RELN: variants seen among roughly 807,000 people sequenced by gnomAD.
RELN encodes reelin.
A neutral mutation model predicts 427.6 loss-of-function variants in RELN; 108 were observed. The ratio of observed to expected loss-of-function variants is 0.25; its 90% CI spans 0.22 to 0.30. The LOEUF (loss-of-function observed/expected upper bound fraction) is 0.30, where lower values mean the gene tolerates loss of function less well. Among genes scored for constraint, RELN ranks in the 10% least tolerant of loss-of-function variants. The pLI, the probability that RELN is intolerant of heterozygous loss-of-function variation, is 1.00. For synonymous variants in RELN, 1,524 were observed against 1,513.4 expected (o/e 1.01, Z -0.16); for missense variants, 3,715 against 4,302.8 (o/e 0.86, Z 3.82).
intron 20 of RELN, among the ~76,000 whole-genome samples, chr7:103,623,735 C>T (rs1832268323): frequency 6.6e-6 from 1 of 152,130 alleles, no homozygotes; most frequent in Non-Finnish European, 1.5e-5. Flanking sequence ...AGGTAGATCT[C>T]ATTTTAAAAT....
chr7:103,686,668 C>A (rs1163127414), intron 10 of RELN, among the ~76,000 whole-genome samples: 1 of 152,092 alleles, frequency 6.6e-6, no homozygotes, highest in East Asian at 1.9e-4. Flanking sequence ...TGTGCTACAG[C>A]CATTGGAAAT....
chr7:103,615,551 T>C (rs1832061118), intron 20 of RELN, among the ~76,000 whole-genome samples: 2 of 152,170 alleles, frequency 1.3e-5, no homozygotes, highest in Admixed American at 6.5e-5. Context: ...ACAGCTGGAT[T>C]ATCTCACTTG....
At chr7:103,727,160 T>G (rs1790232417) in intron 7 of RELN, among the ~76,000 whole-genome samples, 1 of 152,156 alleles carries the variant, frequency 6.6e-6, no homozygotes. Context: ...CAATTTACAT[T>G]GGAAGTCAGT....
At chr7:103,901,087 T>C (rs67193600) in intron 2 of RELN, among the ~76,000 whole-genome samples, 19,565 of 151,954 alleles carry the variant, frequency 0.13, 1,590 homozygotes, top group East Asian at 0.32. Flanking sequence ...ATTTAAAAAT[T>C]GGAAAAAGAC....
At chr7:103,939,110 C>A (rs1796054909) in intron 1 of RELN, among the ~76,000 whole-genome samples, 1 of 152,018 alleles carries the variant, frequency 6.6e-6, no homozygotes, top group Non-Finnish European at 1.5e-5. Flanking sequence ...CCACGCCTGG[C>A]TAATTTTTTT....
At chr7:103,774,154 G>T (rs997993997) in intron 4 of RELN, among the ~76,000 whole-genome samples, 53 of 151,766 alleles carry the variant, frequency 3.5e-4, no homozygotes, top group Non-Finnish European at 8.8e-5. Flanking sequence ...AAAATTAGCC[G>T]GGTGCAGTGG....
rs115526443 is a variant in RELN, at chr7:103,548,287, G to A, written c.6302+2780C>T. On this transcript the variant is annotated intron_variant, in intron 41 of 64. Transcript: ENST00000428762. ...TTAATACACTTTTTGTGTGTATTTC[G>A]TGTCCAATAAATGCAAGAAAAGAGT... is the stretch of plus-strand genomic sequence containing the variant. 9.4e-3 allele frequency among the ~76,000 whole-genome samples: 1,438 copies of A among 152,242 alleles called. 31 individuals carry two copies. The highest frequency in any genetic ancestry group is 0.033 in the African/African-American group (1,354 of 41,548).
At chr7:103,962,942 A>T (rs1248129961) in intron 1 of RELN, among the ~76,000 whole-genome samples, 1 of 152,194 alleles carries the variant, frequency 6.6e-6, no homozygotes, top group Non-Finnish European at 1.5e-5. Context: ...GTCTAAGGAC[A>T]TGGTACCCTA....
intron 36 of RELN, among the ~76,000 whole-genome samples, chr7:103,559,870 C>T (rs990183465): frequency 2.6e-5 from 4 of 152,170 alleles, no homozygotes; most frequent in African/African-American, 9.7e-5. Context: ...ATATCCCTTG[C>T]TAACATCAAA....
chr7:103,681,977 C>T (rs1014648931), intron 11 of RELN, 139 bp downstream of exon 11: 13 of 836,984 alleles, frequency 1.6e-5, no homozygotes, highest in South Asian at 2.8e-5. Flanking sequence ...TAAGTGCACC[C>T]CTTTTGGCTT....
At chr7:103,869,539 T>A (rs868137024) in intron 2 of RELN, among the ~76,000 whole-genome samples, 2 of 152,090 alleles carry the variant, frequency 1.3e-5, no homozygotes, top group African/African-American at 4.8e-5. Flanking sequence ...GCATATAGTG[T>A]TCTGGGCTTA....
At chr7:103,833,823 T>A in intron 2 of RELN, 151 bp from the exon 3 acceptor site, 1 of 743,884 alleles carries the variant, frequency 1.3e-6, no homozygotes, top group East Asian at 2.7e-5. Flanking sequence ...CACTTTTTAT[T>A]GCTACAGGGA....
chr7:103,887,587 T>C (rs1280547788), intron 2 of RELN, among the ~76,000 whole-genome samples: 1 of 152,200 alleles, frequency 6.6e-6, no homozygotes, highest in East Asian at 1.9e-4. Flanking sequence ...GATCATGATT[T>C]ACAGTCCACT....
intron 2 of RELN, among the ~76,000 whole-genome samples, chr7:103,885,122 G>A (rs1020543043): frequency 2.0e-5 from 3 of 152,094 alleles, no homozygotes; most frequent in Admixed American, 2.0e-4. Context: ...GGCGGATTAT[G>A]AGGTCAGGAG....
At chr7:103,825,233 G>C (rs1793106404) in intron 3 of RELN, among the ~76,000 whole-genome samples, 1 of 152,020 alleles carries the variant, frequency 6.6e-6, no homozygotes, top group African/African-American at 2.4e-5. Context: ...TCTTGTAGCA[G>C]GGAAGTGGAA....
At chr7:103,730,316 G>A (rs1423464496) in intron 6 of RELN, among the ~76,000 whole-genome samples, 2 of 151,872 alleles carry the variant, frequency 1.3e-5, no homozygotes, top group Admixed American at 6.6e-5. Context: ...TATAATATAT[G>A]TATTACAAGC....
intron 4 of RELN, among the ~76,000 whole-genome samples, chr7:103,775,841 G>A (rs1433641695): frequency 6.6e-6 from 1 of 152,174 alleles, no homozygotes; most frequent in Non-Finnish European, 1.5e-5. Context: ...TTAAGGCATA[G>A]TCCCCATACT....
intron 6 of RELN, among the ~76,000 whole-genome samples, chr7:103,741,540 A>C (rs1173870817): frequency 6.6e-6 from 1 of 151,928 alleles, no homozygotes; most frequent in Non-Finnish European, 1.5e-5. Context: ...AATATATCAC[A>C]AGAGAAAAAA....
intron 2 of RELN, among the ~76,000 whole-genome samples, chr7:103,845,198 CT>C (rs577825753): frequency 6.6e-6 from 1 of 151,388 alleles, no homozygotes; most frequent in African/African-American, 2.4e-5. Flanking sequence ...CTCTCATCCT[CT>C]TTTTTTTATT....
Sources: gnomAD v4.1 joint callset for allele counts (sites outside exome capture counted in the v4.1 genomes callset) on GRCh38, gnomAD v4.1.1 for gene constraint, MANE v1.5 for transcripts, NCBI Gene and HGNC (gene_info 2026-07-23, HGNC 2026-07-21) for gene names.